The following AFAP1L2 variants were observed in gnomAD, a reference collection of about 807,000 sequenced individuals.
AFAP1L2 encodes actin filament associated protein 1 like 2, also known as actin filament-associated protein 1-like 2.
Under a neutral mutation model 99.3 loss-of-function variants are expected in AFAP1L2, and 46 were observed. The ratio of observed to expected loss-of-function variants is 0.46; its 90% CI spans 0.37 to 0.59. The LOEUF (loss-of-function observed/expected upper bound fraction) is 0.59. Ranked by LOEUF, AFAP1L2 falls within the 20% of genes least tolerant of loss-of-function variation. The pLI, the probability that AFAP1L2 is intolerant of heterozygous loss-of-function variation, is 0.00. For synonymous variants in AFAP1L2, 397 were observed against 419.1 expected, an observed-to-expected ratio of 0.95 and a Z score of 0.64; for missense variants, 959 against 1,034.9, an observed-to-expected ratio of 0.93 and a Z score of 1.01.
intron 1 of AFAP1L2, among the ~76,000 whole-genome samples, chr10:114,370,802 G>T (rs2053988042): frequency 6.6e-6 from 1 of 152,154 alleles, no homozygotes; most frequent in Non-Finnish European, 1.5e-5. Flanking sequence ...TGCCATTGGA[G>T]GTCACTGGGT....
chr10:114,402,477 T>A (rs1010444513), intron 1 of AFAP1L2, among the ~76,000 whole-genome samples: 6 of 152,168 alleles, frequency 3.9e-5, no homozygotes, highest in Non-Finnish European at 7.4e-5. Flanking sequence ...GAATTTGAGT[T>A]GGATTAGCCT....
chr10:114,334,935 A>C (rs1021165152), intron 2 of AFAP1L2, among the ~76,000 whole-genome samples: 1 of 152,124 alleles, frequency 6.6e-6, no homozygotes, highest in Non-Finnish European at 1.5e-5. Flanking sequence ...TTTCAACCAA[A>C]CTCTTCAGTT....
At chr10:114,294,402 T>C (rs1018889950), downstream of AFAP1L2, among the ~76,000 whole-genome samples, 2 of 152,242 alleles carry the variant, frequency 1.3e-5, no homozygotes, top group African/African-American at 4.8e-5. Context: ...TTCTGCTATT[T>C]CATATTGCCT....
chr10:114,304,213 G>T (rs1157446057), intron 11 of AFAP1L2, among the ~76,000 whole-genome samples: 1 of 152,208 alleles, frequency 6.6e-6, no homozygotes, highest in Admixed American at 6.5e-5. Flanking sequence ...TCCATGCGTG[G>T]AAGGGACTCG....
intron 1 of AFAP1L2, among the ~76,000 whole-genome samples, chr10:114,403,870 G>C (rs1449581227): frequency 6.6e-6 from 1 of 152,186 alleles, no homozygotes; most frequent in Non-Finnish European, 1.5e-5. Flanking sequence ...TTCTTGGTGT[G>C]GGGGAGCAAA....
chr10:114,345,771 C>G (rs1202766898), intron 1 of AFAP1L2, among the ~76,000 whole-genome samples: 1 of 152,238 alleles, frequency 6.6e-6, no homozygotes, highest in African/African-American at 2.4e-5. Flanking sequence ...GTCCTTCATA[C>G]TCCACAAGGC....
chr10:114,304,428 C>A (rs1200983622), intron 11 of AFAP1L2, among the ~76,000 whole-genome samples: 1 of 152,146 alleles, frequency 6.6e-6, no homozygotes, highest in Non-Finnish European at 1.5e-5. Flanking sequence ...CAAAACAACA[C>A]CCACTTTGAA....
chr10:114,367,417 G>T (rs1321084493), intron 1 of AFAP1L2, among the ~76,000 whole-genome samples: 1 of 152,128 alleles, frequency 6.6e-6, no homozygotes, highest in Non-Finnish European at 1.5e-5. Flanking sequence ...CAGGGATTTG[G>T]CCCATCTGTC....
chr10:114,330,205 C>T (rs1343616535), intron 4 of AFAP1L2, among the ~76,000 whole-genome samples: 2 of 152,178 alleles, frequency 1.3e-5, no homozygotes, highest in Non-Finnish European at 1.5e-5. Context: ...GGCCCCTTCC[C>T]CCCAGGAAGG....
intron 1 of AFAP1L2, among the ~76,000 whole-genome samples, chr10:114,402,053 C>T (rs901071519): frequency 2.0e-5 from 3 of 152,188 alleles, no homozygotes; most frequent in African/African-American, 7.2e-5. Flanking sequence ...AAGTGTCACA[C>T]ACAATAAGAA....
intron 1 of AFAP1L2, among the ~76,000 whole-genome samples, chr10:114,373,075 C>T (rs1432287649): frequency 1.3e-5 from 2 of 152,116 alleles, no homozygotes; most frequent in African/African-American, 4.8e-5. Flanking sequence ...GAACCTGACT[C>T]TATAAAAAAA....
chr10:114,309,332 G>T (rs914656330), intron 8 of AFAP1L2, among the ~76,000 whole-genome samples: 1 of 152,202 alleles, frequency 6.6e-6, no homozygotes, highest in African/African-American at 2.4e-5. Context: ...AGTCACTCTG[G>T]AATCTGGAAG....
chr10:114,291,231 C>T (rs189946618), downstream of AFAP1L2: 23 of 1,550,482 alleles, frequency 1.5e-5, no homozygotes, highest in East Asian at 3.7e-4. Context: ...TCTTGAGACG[C>T]CCCTGAGGCA....
chr10:114,385,385 G>T (rs769065166), intron 1 of AFAP1L2, among the ~76,000 whole-genome samples: 1 of 152,314 alleles, frequency 6.6e-6, no homozygotes, highest in East Asian at 1.9e-4. Flanking sequence ...TGCAGCTGGA[G>T]GACTTGACAT....
At chr10:114,290,233 A>G (rs1250677823), downstream of AFAP1L2, 3 of 1,550,188 alleles carry the variant, frequency 1.9e-6, no homozygotes, top group African/African-American at 4.1e-5. Context: ...GGTGTTCTCC[A>G]TTGTAGAAGC....
At chr10:114,374,485 C>T (rs1249712778) in intron 1 of AFAP1L2, among the ~76,000 whole-genome samples, 3 of 152,128 alleles carry the variant, frequency 2.0e-5, no homozygotes, top group African/African-American at 4.8e-5. Flanking sequence ...GCGAGAGAGA[C>T]TCCCCTTCCC....
At chr10:114,390,295 C>A (rs2137902216) in intron 1 of AFAP1L2, among the ~76,000 whole-genome samples, 1 of 152,330 alleles carries the variant, frequency 6.6e-6, no homozygotes, top group East Asian at 1.9e-4. Context: ...CCAAGTGACA[C>A]CTAGACTGCT....
chr10:114,404,506 G>A (rs970868942), upstream of AFAP1L2: 2 of 1,521,438 alleles, frequency 1.3e-6, no homozygotes, highest in East Asian at 2.6e-5. Context: ...CTGCTCTCCC[G>A]GCGCTCGGCT....
intron 1 of AFAP1L2, among the ~76,000 whole-genome samples, chr10:114,388,249 AT>A (rs1349461518): frequency 6.6e-6 from 1 of 151,628 alleles, no homozygotes; most frequent in Non-Finnish European, 1.5e-5. Context: ...CTCTCTCTAC[AT>A]TCCCTCTCAA....
Sources: gnomAD v4.1 joint callset for allele counts (sites outside exome capture counted in the v4.1 genomes callset) on GRCh38, gnomAD v4.1.1 for gene constraint, MANE v1.5 for transcripts, NCBI Gene and HGNC (gene_info 2026-07-23, HGNC 2026-07-21) for gene names.